RNF213: variants seen among roughly 807,000 people sequenced by gnomAD.
The protein encoded by RNF213 is E3 ubiquitin-protein ligase RNF213.
Under a neutral mutation model 514.4 loss-of-function variants are expected in RNF213, and 341 were observed. The ratio of observed to expected loss-of-function variants is 0.66; its 90% confidence interval spans 0.61 to 0.73. The LOEUF (loss-of-function observed/expected upper bound fraction) is 0.73. Ranked by LOEUF, RNF213 falls within the 30% of genes least tolerant of loss-of-function variation. RNF213 has a pLI of 0.00. For synonymous variants in RNF213, 2,655 were observed against 2,658.2 expected, an observed-to-expected ratio of 1.00 and a Z score of 0.04; for missense variants, 5,767 against 6,615.6, an observed-to-expected ratio of 0.87 and a Z score of 4.45.
At chr17:80,368,616 A>C (rs1056441506) in intron 44 of RNF213, among the ~76,000 whole-genome samples, 6 of 152,070 alleles carry the variant, frequency 3.9e-5, no homozygotes, top group African/African-American at 1.2e-4. Flanking sequence ...TATTTTTAGT[A>C]GAGACAGGGT....
rs1430500653 is a variant in RNF213 at position 80,396,383 on chromosome 17, G to A, written c.*2885G>A. On this transcript the variant is annotated 3_prime_UTR_variant, in exon 68 of 68. Transcript: ENST00000582970. Reference sequence around the variant, plus strand: ...TGAGCTATTTCAGTTACTCCTGTATGTTCAGGCAATTCCAATTTAGAAACA... The same window carrying A: ...TGAGCTATTTCAGTTACTCCTGTATATTCAGGCAATTCCAATTTAGAAACA... The A allele has an allele frequency of 6.6e-6, 1 of 152,198 alleles. No individual in the cohort carries two copies. The highest frequency in any genetic ancestry group is 2.4e-5 in the African/African-American group (1 of 41,434). The allele number at this position is 152,198 out of a possible 1,614,324, so 9.4% of individuals were successfully genotyped here.
intron 14 of RNF213, 34 bp downstream of exon 14, chr17:80,309,205 G>A (rs376434046): frequency 1.1e-5 from 17 of 1,613,398 alleles, no homozygotes; most frequent in Admixed American, 1.7e-5. Context: ...TATCACACCC[G>A]GGATAGGTGC....
intron 28 of RNF213, among the ~76,000 whole-genome samples, chr17:80,344,353 G>A (rs1428662446): frequency 1.3e-5 from 2 of 152,204 alleles, no homozygotes; most frequent in East Asian, 3.8e-4. Flanking sequence ...AGATGAGAAG[G>A]AGATGTTTGT....
rs147286130 is a variant in RNF213, at chr17:80,342,536, T to TTCTCTC, written c.5990-582_5990-577dup. Among the ~76,000 whole-genome samples, 998 of 147,016 alleles carry TTCTCTC rather than the reference T, an allele frequency of 6.8e-3. 12 individuals are homozygous for TTCTCTC. The highest frequency in any genetic ancestry group is 0.024 in the African/African-American group (946 of 39,882). ...TTGTCCTAGCCCTGGGACTTAATTT[T>TTCTCTC]TCTCTCTCTCTCTCTCTCTATTTTT... On this transcript the variant is annotated intron_variant, in intron 26 of 67. Transcript: ENST00000582970.
chr17:80,349,019 C>T (rs1012645356), intron 29 of RNF213, among the ~76,000 whole-genome samples: 18 of 152,088 alleles, frequency 1.2e-4, no homozygotes, highest in East Asian at 9.7e-4. Flanking sequence ...GCCGCTGGAA[C>T]CGTACAAAGG....
Position 80,295,148 on chromosome 17 carries a change from C to T in RNF213, c.1755+145C>T, listed in dbSNP as rs542318594. The T allele has an allele frequency of 2.4e-4, 236 of 966,590 alleles. 1 individual carries two copies. Among genetic ancestry groups the T allele is most frequent in the Middle Eastern group, 3.1e-4 (1 of 3,242 alleles). 59.9% of individuals were successfully genotyped at this position (966,590 alleles called of 1,614,324 possible). A position where few individuals can be genotyped will look rare whatever the true frequency, so the allele number is the denominator to read the frequency against. ...CCAGCCTTTTCTCCTACCACTGTCT[C>T]TTGGGATTTCTCTGCCCTCCCCCAT... On this transcript the variant is annotated intron_variant, in intron 9 of 67. Coordinates refer to ENST00000582970, the MANE Select transcript of RNF213 (RefSeq NM_001256071.3).
At chr17:80,351,915 C>T (rs868518562) in intron 32 of RNF213, 112 bp downstream of exon 32, 43 of 648,112 alleles carry the variant, frequency 6.6e-5, no homozygotes, top group Middle Eastern at 8.7e-4. Flanking sequence ...AGTGCAGTGG[C>T]GCGATCTCAG....
intron 1 of RNF213, among the ~76,000 whole-genome samples, chr17:80,261,308 G>A (rs73432189): frequency 0.012 from 1,753 of 152,362 alleles, 27 homozygotes; most frequent in African/African-American, 0.04. Flanking sequence ...CTGTACGAAT[G>A]GCAACAACGG....
In RNF213 at chr17:80,371,860, TTC is replaced by T; in HGVS notation, c.12426-10_12426-9del. The T allele has an allele frequency of 3.1e-6, 4 of 1,289,512 alleles. No homozygotes were observed. The highest frequency in any genetic ancestry group is 4.5e-6 in the Non-Finnish European group (4 of 885,642). 79.9% of individuals were successfully genotyped at this position (1,289,512 alleles called of 1,614,324 possible). A position where few individuals can be genotyped will look rare whatever the true frequency, so the allele number is the denominator to read the frequency against. On this transcript the variant is annotated splice_polypyrimidine_tract_variant and intron_variant, in intron 46 of 67. Transcript: ENST00000582970. ...GATCTGAGAGAACCAGGAATAATAT[TTC>T]TCTTTCTGCAGCTTTCATGATGTAA...
intron 15 of RNF213, among the ~76,000 whole-genome samples, chr17:80,314,095 A>AGGTAATGGAGGTGATGGTGGT: frequency 1.4e-5 from 1 of 69,810 alleles, no homozygotes; most frequent in Non-Finnish European, 2.8e-5. Context: ...GTGATGGTGG[A>AGGTAATGGAGGTGATGGTGGT]GGTACTGGAG....
At chr17:80,283,223 G>C (rs1355553245) in intron 3 of RNF213, among the ~76,000 whole-genome samples, 1 of 152,092 alleles carries the variant, frequency 6.6e-6, no homozygotes, top group Non-Finnish European at 1.5e-5. Context: ...CAGGGCACTC[G>C]GCCAGTCCTC....
rs2044881785 is a variant in RNF213 at position 80,294,988 on chromosome 17, G to T, written c.1740G>T (p.Gln580His). ...AGGCACAGCTGTGGACCGATTTGCA[G>T]TACAGGGAGAAAGAGGTATCAGGCT... is the stretch of plus-strand genomic sequence containing the variant. ...EGQAQLWTDL[Q>H]YREKEVKRYL... The change falls in exon 9 of 68, where the codon CAG (glutamine) becomes CAT (histidine). Residue 580 changes from glutamine (Q) to histidine (H), a missense_variant. Physicochemically the swap from Gln to His is conservative, Grantham distance 24. This residue lies in a region of RNF213 where 592 missense variants were observed against 673.9 expected (regional missense o/e 0.88). Coordinates refer to ENST00000582970, the MANE Select transcript of RNF213 (RefSeq NM_001256071.3). The T allele has an allele frequency of 6.2e-7, 1 of 1,614,076 alleles. No homozygotes were observed. Among genetic ancestry groups the T allele is most frequent in the African/African-American group, 1.3e-5 (1 of 74,918 alleles).
In RNF213 at chr17:80,388,941, G is replaced by T. The variant is rs145741591; in HGVS notation, c.15001-232G>T. 2.5e-4 allele frequency: 157 copies of T among 621,980 alleles called. No homozygotes were observed. In the African/African-American group the frequency reaches 2.7e-3, roughly 11 times the overall value. The allele number at this position is 621,980 out of a possible 1,614,324, so 38.5% of individuals were successfully genotyped here. ...ATGGCCATGCCTGCTGAAGCGGGAAGTCCATGGAACCGATTTGTTCCTGCT... is the reference window on the plus strand; with the variant it reads ...ATGGCCATGCCTGCTGAAGCGGGAATTCCATGGAACCGATTTGTTCCTGCT... On this transcript the variant is annotated intron_variant, in intron 64 of 67. Coordinates refer to ENST00000582970, the MANE Select transcript of RNF213 (RefSeq NM_001256071.3).
chr17:80,346,662 C>A lies in RNF213; in HGVS notation c.8327C>A (p.Ser2776Tyr). The change falls in exon 29 of 68, where the codon TCT becomes TAT. Residue 2776 changes from serine (S) to tyrosine (Y), a missense_variant. Ser to Tyr is a moderately radical substitution (Grantham distance 144). Around this residue, in one of 13 missense-constraint regions of RNF213, gnomAD observed 105 missense variants for 183.9 expected, o/e 0.57. Coordinates refer to ENST00000582970, the MANE Select transcript of RNF213 (RefSeq NM_001256071.3). This position sits in a 1 kb window ranked among gnomAD's most constrained non-coding sequence, Gnocchi z 8.1. The stretch of plus-strand genomic sequence containing the variant: ...GTGGGGAAGCCCGGCAGCTCCAAGT[C>A]TCTCGCCAAGACCATCGTGGCAGAC... ...FLVGKPGSSK[S>Y]LAKTIVADAM... 6.2e-7 allele frequency: 1 copy of A among 1,611,850 alleles called. No homozygotes were observed. The highest frequency in any genetic ancestry group is 8.5e-7 in the Non-Finnish European group (1 of 1,180,014).
chr17:80,269,000 G>A (rs1227128618), intron 2 of RNF213, among the ~76,000 whole-genome samples: 3 of 152,172 alleles, frequency 2.0e-5, no homozygotes, highest in Non-Finnish European at 2.9e-5. Flanking sequence ...AACCACTGGC[G>A]TAAGTCCAAG....
chr17:80,290,813 G>GTTTT, intron 7 of RNF213, 85 bp downstream of exon 7: 1 of 1,290,548 alleles, frequency 7.7e-7, no homozygotes, highest in Non-Finnish European at 1.1e-6. Flanking sequence ...AAAAAATTTT[G>GTTTT]TTTTTTTTTT....
chr17:80,304,556 C>T (rs923211215), intron 11 of RNF213, among the ~76,000 whole-genome samples: 29 of 151,868 alleles, frequency 1.9e-4, no homozygotes, highest in African/African-American at 2.4e-4. Context: ...AGGAGAATGG[C>T]GTGAGCCTGG....
At chr17:80,280,100 G>C (rs906794299) in intron 3 of RNF213, among the ~76,000 whole-genome samples, 1 of 149,962 alleles carries the variant, frequency 6.7e-6, no homozygotes, top group African/African-American at 2.5e-5. Context: ...TCCTCTGTGG[G>C]CTGGGGCTTG....
In RNF213 at chr17:80,381,571, C is replaced by T. The variant is rs1356925198; in HGVS notation, c.13822C>T (p.Pro4608Ser). 1 of 1,614,216 alleles carries T rather than the reference C, an allele frequency of 6.2e-7. No homozygotes were observed. The highest frequency in any genetic ancestry group is 8.5e-7 in the Non-Finnish European group (1 of 1,180,042). ...GGCTCTGATAAACATCATTAAGCCTCCAGTGAGGGATCCAAAAGGCTTTCT... is the reference window on the plus strand; with the variant it reads ...GGCTCTGATAAACATCATTAAGCCTTCAGTGAGGGATCCAAAAGGCTTTCT... Reference protein sequence around the residue: ...SQALINIIKPPVRDPKGFLQQ... With the variant: ...SQALINIIKPSVRDPKGFLQQ... Residue 4608 changes from proline (P) to serine (S), a missense_variant, in exon 57 of 68, where the codon CCA (proline) becomes TCA (serine). Physicochemically the swap from Pro to Ser is moderately conservative, Grantham distance 74 (BLOSUM62 -1). Transcript: ENST00000582970.
Sources: allele counts gnomAD v4.1 joint callset (sites outside exome capture counted in the v4.1 genomes callset), GRCh38; gene constraint gnomAD v4.1.1; regional missense constraint gnomAD v4.1.1; non-coding constraint Gnocchi (gnomAD v3.1); transcripts MANE v1.5; gene names NCBI Gene and HGNC (gene_info 2026-07-23, HGNC 2026-07-21).